The following STRA6 variants were observed in gnomAD, a reference collection of about 807,000 sequenced individuals.
STRA6 encodes the protein signaling receptor and transporter of retinol STRA6, also known as receptor for retinol uptake STRA6.
A neutral mutation model predicts 83.6 loss-of-function variants in STRA6; 48 were observed. The ratio of observed to expected loss-of-function variants is 0.57; its 90% confidence interval spans 0.46 to 0.73. The LOEUF is 0.73. Among genes scored for constraint, STRA6 ranks in the 30% least tolerant of loss-of-function variants. The pLI is 0.00. For missense variants in STRA6, 760 were observed against 838.8 expected (o/e 0.91, Z 1.16); for synonymous variants, 353 against 362.3 (o/e 0.97, Z 0.29).
rs1567180324 is a variant in STRA6, at chr15:74,184,003, CAGGG to C, written c.1167-18_1167-15del. On this transcript the variant is annotated splice_polypyrimidine_tract_variant and intron_variant, in intron 13 of 18. Coordinates refer to ENST00000395105, the MANE Select transcript of STRA6 (RefSeq NM_022369.4). ...CGAAGGTTGGTCCTGGGGTGGGAGCCAGGGAGGCAGAGACCTCAGGGAGCAACAC... is the reference window on the plus strand; with the variant it reads ...CGAAGGTTGGTCCTGGGGTGGGAGCCAGGCAGAGACCTCAGGGAGCAACAC... 2 of 1,612,014 alleles carry C rather than the reference CAGGG, an allele frequency of 1.2e-6. No individual in the cohort carries two copies. Among genetic ancestry groups the C allele is most frequent in the Non-Finnish European group, 1.7e-6 (2 of 1,179,988 alleles).
At position 74,194,889 on chromosome 15, in the gene STRA6, TCTC is replaced by T. The variant is rs1371282050; in HGVS notation, c.597+410_597+412del. On this transcript the variant is annotated intron_variant, in intron 7 of 18. Coordinates refer to ENST00000395105, the MANE Select transcript of STRA6 (RefSeq NM_022369.4). Reference sequence around the variant, plus strand: ...GAGCAAGGTCCTGAGGTTCCGGAATTCTCCTCTCAGCCCTCTTAGACCATCCCT... The same window carrying T: ...GAGCAAGGTCCTGAGGTTCCGGAATTCTCTCAGCCCTCTTAGACCATCCCT... 2.9e-6 allele frequency: 4 copies of T among 1,382,504 alleles called. No homozygotes were observed. The East Asian group carries it at 1.0e-4, about 36-fold the overall frequency. 85.6% of individuals were successfully genotyped at this position (1,382,504 alleles called of 1,614,324 possible). A position where few individuals can be genotyped will look rare whatever the true frequency, so the allele number is the denominator to read the frequency against.
Position 74,195,447 on chromosome 15 carries a change from A to G in STRA6, c.452T>C (p.Leu151Pro). 9.3e-6 allele frequency: 15 copies of G among 1,613,570 alleles called. No individual in the cohort carries two copies. Among genetic ancestry groups the G allele is most frequent in the Non-Finnish European group, 1.3e-5 (15 of 1,179,948 alleles). ...GTAGTAGAGGGCAGCATAATAGAACAGTCCCAGTATCTTCCAGGCCCCTGG... is the reference window on the plus strand; with the variant it reads ...GTAGTAGAGGGCAGCATAATAGAACGGTCCCAGTATCTTCCAGGCCCCTGG... Reference protein sequence around the residue: ...APRGAWKILGLFYYAALYYPL... With the variant: ...APRGAWKILGPFYYAALYYPL... The change falls in exon 7 of 19, where the codon CTG (leucine) becomes CCG (proline). Residue 151 changes from leucine to proline, a missense_variant. Leu to Pro is a moderately conservative substitution (Grantham distance 98). Coordinates refer to ENST00000395105, the MANE Select transcript of STRA6 (RefSeq NM_022369.4).
At chr15:74,193,724 T>C (rs2073664329) in intron 8 of STRA6, 76 bp downstream of exon 8, 15 of 1,602,036 alleles carry the variant, frequency 9.4e-6, no homozygotes. Context: ...CGGCCATGTA[T>C]CTGGGACCAC....
chr15:74,195,277 C>CTAGGCCA (rs759826987), intron 7 of STRA6, 25 bp downstream of exon 7: 357 of 1,609,952 alleles, frequency 2.2e-4, no homozygotes, highest in Non-Finnish European at 2.8e-4. Flanking sequence ...CCCCTCTGCC[C>CTAGGCCA]TAGGCCATTG....
chr15:74,190,960 C>G, intron 10 of STRA6, 59 bp from the exon 11 acceptor site: 1 of 1,610,536 alleles, frequency 6.2e-7, no homozygotes, highest in Non-Finnish European at 8.5e-7. Context: ...GGGAGCCCTC[C>G]TCCCTCCCAA....
intron 11 of STRA6, among the ~76,000 whole-genome samples, chr15:74,190,560 T>C (rs1197129138): frequency 2.6e-5 from 4 of 152,194 alleles, no homozygotes; most frequent in African/African-American, 7.2e-5. Flanking sequence ...AGAGAGGTTA[T>C]ATAACTTGCC....
chr15:74,184,004 A>G lies in STRA6; in HGVS notation c.1167-15T>C. On this transcript the variant is annotated splice_polypyrimidine_tract_variant and intron_variant, in intron 13 of 18. Transcript: ENST00000395105. ...GAAGGTTGGTCCTGGGGTGGGAGCC[A>G]GGGAGGCAGAGACCTCAGGGAGCAA... 6.2e-7 allele frequency: 1 copy of G among 1,611,890 alleles called. No homozygotes were observed.
At chr15:74,194,270 C>T (rs1469732318) in intron 7 of STRA6, 15 of 998,352 alleles carry the variant, frequency 1.5e-5, no homozygotes, top group South Asian at 3.8e-5. Context: ...GAAAATCACA[C>T]GAAAGCCTGC....
At position 74,197,772 on chromosome 15, in the gene STRA6, C is replaced by A. The variant is rs370760511; in HGVS notation, c.160G>T (p.Ala54Ser). 69 of 1,613,498 alleles carry A rather than the reference C, an allele frequency of 4.3e-5. 1 individual carries two copies. The South Asian group carries it at 6.3e-4, about 15-fold the overall frequency. Reference sequence around the variant, plus strand: ...CTCACTGACAGCGAGGCCAGGCAGGCGTGGTACAGGCCGGGTGGTATGCTG... The same window carrying A: ...CTCACTGACAGCGAGGCCAGGCAGGAGTGGTACAGGCCGGGTGGTATGCTG... ...HTSIPPGLYH[A>S]CLASLSILVL... is the part of the protein sequence containing the mutation. Residue 54 changes from alanine (A) to serine (S), a missense_variant, in exon 3 of 19, where the codon GCC becomes TCC. Transcript: ENST00000395105.
chr15:74,211,139 C>T (rs1424108930), upstream of STRA6, among the ~76,000 whole-genome samples: 2 of 106,516 alleles, frequency 1.9e-5, no homozygotes, highest in African/African-American at 3.4e-5. Context: ...CCCCCCACCA[C>T]TACGCACGCA....
At chr15:74,202,928 C>G (rs2074151525), upstream of STRA6, 1 of 988,894 alleles carries the variant, frequency 1.0e-6, no homozygotes. Flanking sequence ...GGCCCCAGCA[C>G]CATTGGCGGC....
intron 1 of STRA6, 101 bp from the exon 2 acceptor site, chr15:74,202,383 A>G (rs1023162372): frequency 1.3e-6 from 2 of 1,545,984 alleles, no homozygotes; most frequent in Non-Finnish European, 8.7e-7. Context: ...AAACAAAGAA[A>G]CATTTCTCTT....
Position 74,181,193 on chromosome 15 carries a change from C to T in STRA6, c.1684+102G>A, listed in dbSNP as rs190173343. 192 of 1,521,050 alleles carry T rather than the reference C, an allele frequency of 1.3e-4. 1 individual carries two copies. The African/African-American group carries it at 1.9e-3, about 15-fold the overall frequency. 94.2% of individuals were successfully genotyped at this position (1,521,050 alleles called of 1,614,324 possible). On this transcript the variant is annotated intron_variant, in intron 17 of 18. Coordinates refer to ENST00000395105, the MANE Select transcript of STRA6 (RefSeq NM_022369.4). The stretch of plus-strand genomic sequence containing the variant: ...AGGTGGCACATGCAGCTACAGGCAT[C>T]GGTGTGAACTGATCAGCTGGCACGG...
intron 8 of STRA6, among the ~76,000 whole-genome samples, chr15:74,193,244 T>C (rs1027657866): frequency 6.6e-6 from 1 of 152,224 alleles, no homozygotes; most frequent in African/African-American, 2.4e-5. Flanking sequence ...TCTTCCCCTT[T>C]ACTCATGCTC....
intron 11 of STRA6, among the ~76,000 whole-genome samples, chr15:74,189,969 AACTGTTTACATAGC>A (rs2073452578): frequency 6.6e-6 from 1 of 152,218 alleles, no homozygotes; most frequent in Non-Finnish European, 1.5e-5. Flanking sequence ...GACATAGGAC[AACTGTTTACATAGC>A]ACTTATGTTC....
At chr15:74,180,645 G>T in intron 18 of STRA6, 137 bp downstream of exon 18, 1 of 1,246,762 alleles carries the variant, frequency 8.0e-7, no homozygotes, top group Non-Finnish European at 1.1e-6. Context: ...GACCAGGAGG[G>T]GTGACCAAAG....
intron 18 of STRA6, 22 bp downstream of exon 18, chr15:74,180,760 C>G (rs757678477): frequency 1.9e-6 from 3 of 1,598,092 alleles, no homozygotes; most frequent in Admixed American, 1.7e-5. Context: ...TCTATTCCCC[C>G]ATTCCCAGTG....
upstream of STRA6, among the ~76,000 whole-genome samples, chr15:74,204,745 C>G (rs1439433870): frequency 6.6e-6 from 1 of 152,146 alleles, no homozygotes; most frequent in Non-Finnish European, 1.5e-5. Flanking sequence ...CCCAGCCTGG[C>G]CAACAAGGCA....
chr15:74,198,464 T>G (rs911190367), intron 2 of STRA6, among the ~76,000 whole-genome samples: 2 of 152,134 alleles, frequency 1.3e-5, no homozygotes, highest in African/African-American at 4.8e-5. Flanking sequence ...GCCTCCCCTC[T>G]CCAGGGAGCC....
Sources: allele counts gnomAD v4.1 joint callset (sites outside exome capture counted in the v4.1 genomes callset), GRCh38; gene constraint gnomAD v4.1.1; transcripts MANE v1.5; gene names NCBI Gene and HGNC (gene_info 2026-07-23, HGNC 2026-07-21).